USP39: variants seen among roughly 807,000 people sequenced by gnomAD.
The protein encoded by USP39 is ubiquitin specific peptidase 39.
In USP39, 38 loss-of-function variants were observed where a neutral mutation model predicts 66.4. The observed-to-expected ratio is 0.57, with a 90% CI of 0.44 to 0.75. USP39 has a LOEUF of 0.75. Among genes scored for constraint, USP39 ranks in the 30% least tolerant of loss-of-function variants. The probability of loss-of-function intolerance (pLI) is 0.00; values close to 1 mark genes in which losing one functional copy is unlikely to be tolerated. For synonymous variants in USP39, 303 were observed against 274.6 expected (o/e 1.10, Z -1.02); for missense variants, 608 against 714.4 (o/e 0.85, Z 1.70).
chr2:85,648,550 G>T (rs149664168), intron 12 of USP39, among the ~76,000 whole-genome samples: 2 of 152,198 alleles, frequency 1.3e-5, no homozygotes, highest in Non-Finnish European at 2.9e-5. Context: ...AAAAGCCATA[G>T]CTTTGTAAGA....
At chr2:85,639,565 C>T (rs1676074269) in intron 9 of USP39, 174 bp downstream of exon 9, 1 of 569,820 alleles carries the variant, frequency 1.8e-6, no homozygotes. Flanking sequence ...AGCGATTCTC[C>T]TGCCTCAGCC....
intron 3 of USP39, among the ~76,000 whole-genome samples, chr2:85,622,990 CTG>C (rs1674577145): frequency 6.6e-6 from 1 of 152,182 alleles, no homozygotes; most frequent in South Asian, 2.1e-4. Flanking sequence ...TACTGCTGGA[CTG>C]TGGCACGGAG....
chr2:85,623,803 G>A (rs774241046), intron 4 of USP39, 21 bp downstream of exon 4: 1 of 1,600,858 alleles, frequency 6.2e-7, no homozygotes, highest in South Asian at 1.1e-5. Flanking sequence ...AAGAGGGTTG[G>A]TTTGGGGTCC....
upstream of USP39, chr2:85,612,195 C>T (rs1229607681): frequency 9.4e-7 from 1 of 1,061,342 alleles, no homozygotes; most frequent in East Asian, 2.6e-5. Flanking sequence ...TTCCACCCCC[C>T]GGACGGAGGG....
In USP39 at chr2:85,630,956, A is replaced by G; in HGVS notation, c.949+10A>G. The G allele has an allele frequency of 6.2e-7, 1 of 1,609,982 alleles. No individual in the cohort carries two copies. Among genetic ancestry groups the G allele is most frequent in the Non-Finnish European group, 8.5e-7 (1 of 1,177,530 alleles). On this transcript the variant is annotated intron_variant, in intron 6 of 12. Coordinates refer to ENST00000323701, the MANE Select transcript of USP39 (RefSeq NM_006590.4). The stretch of plus-strand genomic sequence containing the variant: ...CAGATCACCAAACAAGGTAAGAACA[A>G]GTCATTCATGTTTCAGGACAACAAA...
upstream of USP39, chr2:85,612,154 G>C (rs937839895): frequency 4.2e-5 from 37 of 886,204 alleles, no homozygotes; most frequent in Non-Finnish European, 5.7e-5. Flanking sequence ...TTCGGGTCTG[G>C]TCGGGTCGGG....
chr2:85,611,664 T>A (rs1673538890), upstream of USP39: 8 of 1,557,658 alleles, frequency 5.1e-6, no homozygotes, highest in Non-Finnish European at 6.9e-6. Context: ...GCGGGCGGCC[T>A]CACCTCGGTG....
intron 1 of USP39, 68 bp downstream of exon 1, chr2:85,616,531 A>C (rs1573388769): frequency 8.9e-7 from 1 of 1,117,738 alleles, no homozygotes; most frequent in Non-Finnish European, 1.1e-6. Context: ...CTTGTCTCTA[A>C]TCTTCCGCTA....
chr2:85,621,982 G>A (rs1307987502), intron 3 of USP39, among the ~76,000 whole-genome samples: 3 of 152,088 alleles, frequency 2.0e-5, no homozygotes, highest in African/African-American at 4.8e-5. Flanking sequence ...ACCATGCCTG[G>A]CTAATTTTTG....
upstream of USP39, chr2:85,609,647 A>C (rs1256835754): frequency 6.3e-7 from 1 of 1,586,924 alleles, no homozygotes; most frequent in Non-Finnish European, 8.6e-7. Flanking sequence ...CCCTGTCCAT[A>C]GAGATGCTGC....
chr2:85,640,292 T>A (rs1032953703), intron 9 of USP39, among the ~76,000 whole-genome samples: 2 of 141,214 alleles, frequency 1.4e-5, no homozygotes, highest in Non-Finnish European at 3.1e-5. Flanking sequence ...GGAGACATAC[T>A]TTTTTTTTTT....
chr2:85,639,130 A>G (rs1676026417), intron 8 of USP39, 73 bp from the exon 9 acceptor site: 6 of 1,419,270 alleles, frequency 4.2e-6, no homozygotes, highest in African/African-American at 2.9e-5. Flanking sequence ...TCGGCGTGGT[A>G]AAACATCGGT....
chr2:85,629,842 T>C (rs1675188952), intron 5 of USP39, among the ~76,000 whole-genome samples: 2 of 151,782 alleles, frequency 1.3e-5, no homozygotes, highest in Non-Finnish European at 2.9e-5. Flanking sequence ...TTAAAAAAAA[T>C]TTTGGCTGGG....
chr2:85,631,169 C>T (rs1207135482), intron 6 of USP39, among the ~76,000 whole-genome samples: 2 of 152,104 alleles, frequency 1.3e-5, no homozygotes, highest in African/African-American at 4.8e-5. Flanking sequence ...CACGCACCAC[C>T]ACGCCCGGCT....
chr2:85,632,521 C>T (rs1301967591), intron 6 of USP39, among the ~76,000 whole-genome samples: 3 of 144,806 alleles, frequency 2.1e-5, no homozygotes, highest in East Asian at 2.1e-4. Context: ...GATCTCGGCT[C>T]GCTGCAACCT....
intron 8 of USP39, 152 bp from the exon 9 acceptor site, chr2:85,639,051 C>T: frequency 1.5e-6 from 1 of 677,022 alleles, no homozygotes. Flanking sequence ...GTTAATCTAA[C>T]CAGGTGGTGC....
In USP39 at chr2:85,636,041, CT is replaced by C. The variant is rs770954035; in HGVS notation, c.950-5del. On this transcript the variant is annotated splice_polypyrimidine_tract_variant and intron_variant, in intron 6 of 12. Coordinates refer to ENST00000323701, the MANE Select transcript of USP39 (RefSeq NM_006590.4). ...TTAGCTTCAACGTTTTCCACCCTTC[CT>C]TTTTTTCCAGGAGATGGCGTTGACT... is the stretch of plus-strand genomic sequence containing the variant. 6.2e-7 allele frequency: 1 copy of C among 1,611,824 alleles called. No individual in the cohort carries two copies. Among genetic ancestry groups the C allele is most frequent in the Non-Finnish European group, 8.5e-7 (1 of 1,177,966 alleles).
intron 6 of USP39, among the ~76,000 whole-genome samples, chr2:85,632,689 C>G (rs139351255): frequency 6.6e-6 from 1 of 152,200 alleles, no homozygotes; most frequent in Non-Finnish European, 1.5e-5. Context: ...ACCTTGTGAT[C>G]TGCTCACCTC....
chr2:85,622,949 C>T (rs1674573389), intron 3 of USP39, among the ~76,000 whole-genome samples: 1 of 152,196 alleles, frequency 6.6e-6, no homozygotes, highest in South Asian at 2.1e-4. Context: ...ACATGTAAAA[C>T]AACCAGTGAG....
Sources: gnomAD v4.1 joint callset for allele counts (sites outside exome capture counted in the v4.1 genomes callset) on GRCh38, gnomAD v4.1.1 for gene constraint, MANE v1.5 for transcripts, NCBI Gene and HGNC (gene_info 2026-07-23, HGNC 2026-07-21) for gene names.